The following A1CF variants were observed in gnomAD, a reference collection of about 807,000 sequenced individuals.
The protein encoded by A1CF is APOBEC1 complementation factor.
In A1CF, 48 loss-of-function variants were observed where a neutral mutation model predicts 68.9. The observed-to-expected ratio is 0.70, with a 90% confidence interval of 0.55 to 0.89. A1CF has a LOEUF of 0.89. Among genes scored for constraint, A1CF ranks in the 40% least tolerant of loss-of-function variants. The pLI is 0.00. For missense variants in A1CF, 653 were observed against 718.9 expected, an observed-to-expected ratio of 0.91 and a Z score of 1.05; for synonymous variants, 272 against 260.4, an observed-to-expected ratio of 1.04 and a Z score of -0.43.
chr10:50,817,431 A>G (rs1160515906), intron 8 of A1CF, among the ~76,000 whole-genome samples: 4 of 152,120 alleles, frequency 2.6e-5, no homozygotes, highest in Non-Finnish European at 4.4e-5. Flanking sequence ...CATCCTGACC[A>G]TTTTGTTCAG....
In A1CF at chr10:50,810,136, G is replaced by A. The variant is rs542129274; in HGVS notation, c.1461-94C>T. On this transcript the variant is annotated intron_variant, in intron 11 of 12. Coordinates refer to ENST00000373997, the MANE Select transcript of A1CF (RefSeq NM_014576.4). ...CACTATCAGCTTTGTAAGATGACTG[G>A]ATGGTGGTATTTTGAGTGGGTGTTT... is the stretch of plus-strand genomic sequence containing the variant. 4.9e-6 allele frequency: 7 copies of A among 1,436,604 alleles called. No individual in the cohort carries two copies. The South Asian group carries it at 9.0e-5, about 19-fold the overall frequency. 89.0% of individuals were successfully genotyped at this position (1,436,604 alleles called of 1,614,324 possible). A position where few individuals can be genotyped will look rare whatever the true frequency, so the allele number is the denominator to read the frequency against.
intron 7 of A1CF, chr10:50,822,562 A>G (rs1225337539): frequency 6.6e-6 from 1 of 152,126 alleles, no homozygotes; most frequent in Non-Finnish European, 1.5e-5. Context: ...CATAAGGACA[A>G]TTTAAAGACA....
chr10:50,831,395 C>T (rs1175357247), intron 6 of A1CF, among the ~76,000 whole-genome samples: 3 of 152,176 alleles, frequency 2.0e-5, no homozygotes, highest in African/African-American at 4.8e-5. Flanking sequence ...ATATAGAGAA[C>T]TCAAACAATC....
At chr10:50,858,785 T>A (rs1456262295) in intron 3 of A1CF, among the ~76,000 whole-genome samples, 1 of 152,100 alleles carries the variant, frequency 6.6e-6, no homozygotes, top group Non-Finnish European at 1.5e-5. Flanking sequence ...GAATTTTAAG[T>A]ATTAAAAAAA....
At chr10:50,869,653 T>C (rs1173035764) in intron 1 of A1CF, among the ~76,000 whole-genome samples, 1 of 152,158 alleles carries the variant, frequency 6.6e-6, no homozygotes, top group African/African-American at 2.4e-5. Flanking sequence ...AGTGATACAG[T>C]ACAGCTAATC....
chr10:50,832,866 TG>T (rs1291129479), intron 6 of A1CF, among the ~76,000 whole-genome samples: 6 of 150,898 alleles, frequency 4.0e-5, no homozygotes, highest in Non-Finnish European at 7.4e-5. Flanking sequence ...TTAGGTACTA[TG>T]TTTTTTTTTT....
At chr10:50,873,868 T>A (rs1344865312) in intron 1 of A1CF, among the ~76,000 whole-genome samples, 1 of 151,972 alleles carries the variant, frequency 6.6e-6, no homozygotes, top group African/African-American at 2.4e-5. Context: ...AAAAACTATA[T>A]CAGAGAAAAA....
At chr10:50,845,224 T>G (rs1474622467) in intron 3 of A1CF, among the ~76,000 whole-genome samples, 1 of 152,162 alleles carries the variant, frequency 6.6e-6, no homozygotes, top group Non-Finnish European at 1.5e-5. Context: ...TTCTTGTCCA[T>G]TAGTAAAACT....
intron 5 of A1CF, among the ~76,000 whole-genome samples, chr10:50,838,114 C>T (rs1055712112): frequency 1.3e-5 from 2 of 152,096 alleles, no homozygotes; most frequent in East Asian, 1.9e-4. Context: ...TTAGCAGAAA[C>T]GACCCATTTG....
intron 9 of A1CF, among the ~76,000 whole-genome samples, chr10:50,814,889 T>G (rs905819490): frequency 4.6e-5 from 7 of 152,212 alleles, no homozygotes; most frequent in African/African-American, 1.7e-4. Context: ...TGATATAATT[T>G]ATTATCACAT....
chr10:50,854,850 A>T (rs1038061152), intron 3 of A1CF, among the ~76,000 whole-genome samples: 7 of 151,976 alleles, frequency 4.6e-5, no homozygotes, highest in Non-Finnish European at 1.0e-4. Flanking sequence ...GGGGACTATC[A>T]CACCTCAGAA....
intron 9 of A1CF, 119 bp downstream of exon 9, chr10:50,815,887 A>T: frequency 1.6e-6 from 2 of 1,215,396 alleles, no homozygotes; most frequent in Non-Finnish European, 2.3e-6. Context: ...GTTGATTTTT[A>T]ATAAACAATT....
rs1430023557 is a variant in A1CF at position 50,833,649 on chromosome 10, C to A, written c.604+2425G>T. ...CATTTTTCTCAACAGTCTCCTTGTT[C>A]TTTTAAACTAGGTTCTCAAAGGGTT... On this transcript the variant is annotated intron_variant, in intron 6 of 12. Transcript: ENST00000373997. Among the ~76,000 whole-genome samples the A allele has an allele frequency of 2.0e-5, 3 of 152,258 alleles. No individual in the cohort carries two copies. The East Asian group carries it at 5.8e-4, about 29-fold the overall frequency.
chr10:50,850,053 T>C (rs1207226813), intron 3 of A1CF, among the ~76,000 whole-genome samples: 19 of 152,194 alleles, frequency 1.2e-4, no homozygotes, highest in Non-Finnish European at 1.5e-5. Flanking sequence ...CATGTATCTA[T>C]GGCAAAAATC....
At chr10:50,818,784 T>C (rs2132347979) in intron 8 of A1CF, among the ~76,000 whole-genome samples, 1 of 152,252 alleles carries the variant, frequency 6.6e-6, no homozygotes, top group South Asian at 2.1e-4. Context: ...GTATTCAAAC[T>C]TTTTGAGTTT....
chr10:50,885,211 T>C (rs1341798649), intron 1 of A1CF, among the ~76,000 whole-genome samples: 1 of 152,194 alleles, frequency 6.6e-6, no homozygotes, highest in Non-Finnish European at 1.5e-5. Context: ...TACTATTTCT[T>C]TTGTTAATTA....
chr10:50,809,780 A>G, intron 12 of A1CF, 114 bp downstream of exon 12: 2 of 1,463,560 alleles, frequency 1.4e-6, no homozygotes, highest in Non-Finnish European at 1.8e-6. Context: ...AAGGTTGTGC[A>G]AGTCAGATTG....
chr10:50,844,635 A>G (rs912535766), intron 3 of A1CF, among the ~76,000 whole-genome samples: 15 of 152,160 alleles, frequency 9.9e-5, no homozygotes, highest in African/African-American at 3.6e-4. Flanking sequence ...CTTGAGCCCA[A>G]GAGTTCACTA....
intron 7 of A1CF, 103 bp downstream of exon 7, chr10:50,828,026 TAG>T: frequency 1.2e-6 from 1 of 812,144 alleles, no homozygotes. Context: ...GCAAATAAAC[TAG>T]AAATCTAGAA....
Sources: gnomAD v4.1 joint callset for allele counts (sites outside exome capture counted in the v4.1 genomes callset) on GRCh38, gnomAD v4.1.1 for gene constraint, MANE v1.5 for transcripts, NCBI Gene and HGNC (gene_info 2026-07-23, HGNC 2026-07-21) for gene names.